Variants in RASEF observed in about 807,000 individuals in gnomAD.
RASEF encodes the protein RAS and EF-hand domain containing, also known as ras and EF-hand domain-containing protein.
RASEF carries 68 observed loss-of-function variants against 90.1 expected under a neutral mutation model. The ratio of observed to expected loss-of-function variants is 0.75; its 90% confidence interval spans 0.62 to 0.92. The LOEUF is 0.92. Among genes scored for constraint, RASEF ranks in the 40% least tolerant of loss-of-function variants. The probability of loss-of-function intolerance (pLI) is 0.00; values close to 1 mark genes in which losing one functional copy is unlikely to be tolerated. For missense variants in RASEF, 949 were observed against 937.2 expected (o/e 1.01, Z -0.16); for synonymous variants, 331 against 345.2 (o/e 0.96, Z 0.46).
At chr9:83,084,036 A>C in the RASEF span, among the ~76,000 whole-genome samples, 1 of 152,132 alleles carries the variant, frequency 6.6e-6, no homozygotes, top group African/African-American at 2.4e-5. Flanking sequence ...ATATAATGGA[A>C]TATTACGCAA....
intron 6 of RASEF, 24 bp downstream of exon 6, chr9:83,009,617 A>C: frequency 7.2e-7 from 1 of 1,396,092 alleles, no homozygotes; most frequent in Non-Finnish European, 1.0e-6. Flanking sequence ...ACTCAAACTA[A>C]CAAATAAAAT....
chr9:83,203,465 G>A, the RASEF span, among the ~76,000 whole-genome samples: 4 of 151,900 alleles, frequency 2.6e-5, no homozygotes, highest in Middle Eastern at 3.4e-3. Context: ...TAGTAGAGAC[G>A]GGGTTTCATC....
At position 83,002,190 on chromosome 9, in the gene RASEF, T is replaced by C. The variant is rs116285779; in HGVS notation, c.1203-1060A>G. On this transcript the variant is annotated intron_variant, in intron 9 of 16. Transcript: ENST00000376447. ...GGAAAGGGAGAATGGGCACGATACA[T>C]AGGTCTTCAGATATGAGAAACAAGA... is the stretch of plus-strand genomic sequence containing the variant. Among the ~76,000 whole-genome samples the C allele has an allele frequency of 7.0e-3, 1,073 of 152,314 alleles. 14 individuals carry two copies. Among genetic ancestry groups the C allele is most frequent in the African/African-American group, 0.024 (991 of 41,568 alleles).
chr9:83,057,857 ATAT>A (rs1830129021), intron 1 of RASEF, among the ~76,000 whole-genome samples: 2 of 145,218 alleles, frequency 1.4e-5, no homozygotes, highest in African/African-American at 5.2e-5. Context: ...ATATATATAT[ATAT>A]ATATATATAT....
the RASEF span, among the ~76,000 whole-genome samples, chr9:83,193,197 C>T: frequency 1.3e-5 from 2 of 152,178 alleles, no homozygotes; most frequent in African/African-American, 4.8e-5. Context: ...GTGCCAGGTC[C>T]CTGCCCCACC....
chr9:83,194,932 T>G, the RASEF span, among the ~76,000 whole-genome samples: 1 of 152,222 alleles, frequency 6.6e-6, no homozygotes, highest in Non-Finnish European at 1.5e-5. Flanking sequence ...GCATATTCCT[T>G]GCCCCAGCCC....
the RASEF span, among the ~76,000 whole-genome samples, chr9:83,089,731 C>T: frequency 6.6e-6 from 1 of 152,088 alleles, no homozygotes; most frequent in South Asian, 2.1e-4. Context: ...GAGTTGATTG[C>T]AATTTCTCTA....
the RASEF span, among the ~76,000 whole-genome samples, chr9:83,128,166 T>A: frequency 6.6e-6 from 1 of 152,062 alleles, no homozygotes; most frequent in South Asian, 2.1e-4. Context: ...AAAATAATAA[T>A]GATGGCTTCA....
At position 83,063,072 on chromosome 9, in the gene RASEF, C is replaced by T; in HGVS notation, c.-205G>A. The T allele has an allele frequency of 1.9e-6, 1 of 535,574 alleles. No individual in the cohort carries two copies. Among genetic ancestry groups the T allele is most frequent in the Non-Finnish European group, 3.1e-6 (1 of 323,474 alleles). The allele number at this position is 535,574 out of a possible 1,614,324, so 33.2% of individuals were successfully genotyped here. On this transcript the variant is annotated 5_prime_UTR_variant, in exon 1 of 17. Coordinates refer to ENST00000376447, the MANE Select transcript of RASEF (RefSeq NM_152573.4). ...CCCTTCGACGACGGTTCGGGCCAGC[C>T]CCCAACAGGTCCCGGGAGCGGTGGG... is the stretch of plus-strand genomic sequence containing the variant.
At chr9:82,985,211 T>C (rs564774926) in intron 16 of RASEF, among the ~76,000 whole-genome samples, 1 of 152,288 alleles carries the variant, frequency 6.6e-6, no homozygotes, top group South Asian at 2.1e-4. Flanking sequence ...AGAGGTTTAA[T>C]TGGACTTAGA....
chr9:83,067,632 T>G (rs1007117215), upstream of RASEF, among the ~76,000 whole-genome samples: 8 of 152,178 alleles, frequency 5.3e-5, no homozygotes, highest in African/African-American at 1.7e-4. Context: ...TTGGAAAATC[T>G]TTCATTTAAA....
chr9:83,184,822 G>GA, the RASEF span, among the ~76,000 whole-genome samples: 13,476 of 150,322 alleles, frequency 0.09, 721 homozygotes, highest in East Asian at 0.16. Context: ...AATAAGAATT[G>GA]AAAAAAAAAA....
At chr9:83,141,592 C>T in the RASEF span, among the ~76,000 whole-genome samples, 1 of 152,004 alleles carries the variant, frequency 6.6e-6, no homozygotes, top group African/African-American at 2.4e-5. Flanking sequence ...GAGTCTGAGG[C>T]GTTCTTGTCC....
At position 83,022,400 on chromosome 9, in the gene RASEF, A is replaced by G. The variant is rs780366764; in HGVS notation, c.605T>C (p.Leu202Ser). ...ATCCATTTCCTCTTCCAACTCACTC[A>G]ACTGCATAGCTGCCTTGTCCTGGGC... ...KRAQDKAAMQ[L>S]SELEEEMDQR... The change falls in exon 3 of 17, where the codon TTG (leucine) becomes TCG (serine). Residue 202 changes from leucine to serine, a missense_variant. Coordinates refer to ENST00000376447, the MANE Select transcript of RASEF (RefSeq NM_152573.4). The G allele has an allele frequency of 1.9e-6, 3 of 1,614,050 alleles. No individual in the cohort carries two copies. The highest frequency in any genetic ancestry group is 3.3e-5 in the Admixed American group (2 of 60,020).
intron 6 of RASEF, 100 bp downstream of exon 6, chr9:83,009,541 A>G (rs1241550621): frequency 8.7e-6 from 5 of 573,802 alleles, no homozygotes; most frequent in East Asian, 2.8e-5. Flanking sequence ...GATATTAGCA[A>G]AGTTACTAAC....
At chr9:83,184,596 A>G in the RASEF span, among the ~76,000 whole-genome samples, 453 of 152,002 alleles carry the variant, frequency 3.0e-3, 3 homozygotes, top group East Asian at 0.015. Context: ...CTCAAACTCA[A>G]TCTTCACTTC....
chr9:83,055,145 T>A (rs1267284304), intron 1 of RASEF: 1 of 169,608 alleles, frequency 5.9e-6, no homozygotes, highest in African/African-American at 2.6e-5. Flanking sequence ...TCCCCCAGCC[T>A]CGTTGCCGCC....
the RASEF span, among the ~76,000 whole-genome samples, chr9:83,169,210 C>A: frequency 2.8e-3 from 428 of 152,080 alleles, 5 homozygotes; most frequent in African/African-American, 9.3e-3. Flanking sequence ...GAAAAATTTT[C>A]CATTGTGCGT....
the RASEF span, among the ~76,000 whole-genome samples, chr9:83,135,586 A>G: frequency 1.3e-5 from 2 of 152,202 alleles, no homozygotes; most frequent in African/African-American, 4.8e-5. Flanking sequence ...TAAACCAGCT[A>G]TTTTTAAAGC....
Sources: gnomAD v4.1 joint callset for allele counts (sites outside exome capture counted in the v4.1 genomes callset) on GRCh38, gnomAD v4.1.1 for gene constraint, MANE v1.5 for transcripts, NCBI Gene and HGNC (gene_info 2026-07-23, HGNC 2026-07-21) for gene names.